DGKB: variants seen among roughly 807,000 people sequenced by gnomAD.
DGKB encodes diacylglycerol kinase beta.
DGKB carries 67 observed loss-of-function variants against 114.3 expected under a neutral mutation model. The observed-to-expected ratio is 0.59, with a 90% CI of 0.48 to 0.72. The LOEUF (loss-of-function observed/expected upper bound fraction) is 0.72, where lower values mean the gene tolerates loss of function less well. DGKB is among the 30% of genes least tolerant of loss of function. The pLI is 0.00. For missense variants in DGKB, 907 were observed against 975.2 expected (o/e 0.93, Z 0.93); for synonymous variants, 398 against 323.1 (o/e 1.23, Z -2.49).
chr7:14,435,025 C>A (rs987306665), intron 21 of DGKB, among the ~76,000 whole-genome samples: 1 of 152,098 alleles, frequency 6.6e-6, no homozygotes, highest in Non-Finnish European at 1.5e-5. Context: ...TATTTCCCAT[C>A]ACATTGAGAA....
chr7:14,872,186 C>A (rs184367259), intron 1 of DGKB, among the ~76,000 whole-genome samples: 1 of 152,090 alleles, frequency 6.6e-6, no homozygotes, highest in South Asian at 2.1e-4. Flanking sequence ...TTTCTCATTG[C>A]GTAAATATGC....
intron 23 of DGKB, among the ~76,000 whole-genome samples, chr7:14,264,058 C>G (rs1797155559): frequency 6.6e-6 from 1 of 152,054 alleles, no homozygotes; most frequent in South Asian, 2.1e-4. Context: ...TGAAATGTAT[C>G]CAGGACTTCC....
rs183374950 is a variant in DGKB at position 14,380,272 on chromosome 7, A to G, written c.1836-34881T>C. Among the ~76,000 whole-genome samples, 239 of 151,840 alleles carry G rather than the reference A, an allele frequency of 1.6e-3. 3 individuals are homozygous for G. The highest frequency in any genetic ancestry group is 6.8e-3 in the Middle Eastern group (2 of 292). ...TAAATAATAAAAATAAAAATAAACA[A>G]TGGCAGCATGTTTTTAATTATGCCT... On this transcript the variant is annotated intron_variant, in intron 21 of 25. Transcript: ENST00000402815.
At chr7:14,941,428 T>G (rs1785565586) in intron 1 of DGKB, among the ~76,000 whole-genome samples, 1 of 152,082 alleles carries the variant, frequency 6.6e-6, no homozygotes, top group Admixed American at 6.6e-5. Flanking sequence ...GAAGATATGT[T>G]TTTCAAATAT....
chr7:14,213,392 G>A (rs1368276807), intron 23 of DGKB, among the ~76,000 whole-genome samples: 1 of 152,070 alleles, frequency 6.6e-6, no homozygotes. Flanking sequence ...ACATTCCCAA[G>A]TGGTACTGGG....
chr7:14,288,697 T>A (rs549763903), intron 23 of DGKB, among the ~76,000 whole-genome samples: 39 of 152,298 alleles, frequency 2.6e-4, no homozygotes, highest in East Asian at 1.5e-3. Flanking sequence ...AGTCAGCCTT[T>A]GATTGTTAGT....
chr7:14,671,222 C>T (rs1045268949), intron 13 of DGKB, among the ~76,000 whole-genome samples: 9 of 151,934 alleles, frequency 5.9e-5, no homozygotes, highest in African/African-American at 2.2e-4. Context: ...ATGGGCATGT[C>T]GACATTGTGA....
intron 23 of DGKB, among the ~76,000 whole-genome samples, chr7:14,185,889 A>C (rs1039643675): frequency 6.6e-6 from 1 of 152,210 alleles, no homozygotes; most frequent in African/African-American, 2.4e-5. Flanking sequence ...AAGGACTTAA[A>C]CCTAAGACCT....
At chr7:14,245,601 A>G (rs138449901) in intron 23 of DGKB, among the ~76,000 whole-genome samples, 1 of 152,238 alleles carries the variant, frequency 6.6e-6, no homozygotes, top group Admixed American at 6.5e-5. Context: ...CAAGTTTACC[A>G]AGAAAAATTA....
chr7:14,350,025 C>G (rs773229532), intron 21 of DGKB, among the ~76,000 whole-genome samples: 47 of 152,074 alleles, frequency 3.1e-4, no homozygotes, highest in Non-Finnish European at 6.2e-4. Context: ...TTTGAATTAA[C>G]GTAGTAAACC....
intron 20 of DGKB, 87 bp from the exon 21 acceptor site, chr7:14,478,312 T>C: frequency 2.5e-6 from 2 of 813,616 alleles, no homozygotes; most frequent in Non-Finnish European, 3.6e-6. Flanking sequence ...AAAATAACAT[T>C]TCAAAATGAA....
intron 23 of DGKB, among the ~76,000 whole-genome samples, chr7:14,270,489 C>A (rs935234342): frequency 5.3e-5 from 8 of 152,084 alleles, no homozygotes; most frequent in African/African-American, 1.4e-4. Flanking sequence ...GACAGGGGCA[C>A]GGGGTTTACA....
intron 22 of DGKB, among the ~76,000 whole-genome samples, chr7:14,344,169 C>T (rs1291346040): frequency 2.0e-5 from 3 of 150,996 alleles, no homozygotes; most frequent in African/African-American, 4.9e-5. Flanking sequence ...AGAAAGTCCA[C>T]GTTGAACCCA....
intron 21 of DGKB, among the ~76,000 whole-genome samples, chr7:14,409,736 A>G (rs76621151): frequency 2.8e-4 from 3 of 10,778 alleles, no homozygotes; most frequent in South Asian, 2.5e-3. Context: ...AAAAAAAAAA[A>G]AAAAAGTTGA....
chr7:14,664,253 A>G (rs1275982383), intron 13 of DGKB, among the ~76,000 whole-genome samples: 1 of 151,902 alleles, frequency 6.6e-6, no homozygotes, highest in Non-Finnish European at 1.5e-5. Flanking sequence ...AATCACATCA[A>G]ATCCTAATGT....
At chr7:14,425,139 CTTT>C (rs1314004251) in intron 21 of DGKB, among the ~76,000 whole-genome samples, 1 of 151,788 alleles carries the variant, frequency 6.6e-6, no homozygotes, top group South Asian at 2.1e-4. Context: ...TTTTTTTCTT[CTTT>C]TATTTGCTAA....
chr7:14,679,014 G>C (rs1384965098), intron 12 of DGKB, among the ~76,000 whole-genome samples: 2 of 151,916 alleles, frequency 1.3e-5, no homozygotes, highest in East Asian at 1.9e-4. Flanking sequence ...AACAGTCTTT[G>C]GGAATAAAAA....
At chr7:14,783,519 T>C (rs145636634) in intron 2 of DGKB, among the ~76,000 whole-genome samples, 1 of 152,356 alleles carries the variant, frequency 6.6e-6, no homozygotes, top group Non-Finnish European at 1.5e-5. Context: ...CATTTCATCC[T>C]GCTTTCGCTG....
rs141886211 is a variant in DGKB at position 14,494,303 on chromosome 7, T to C, written c.1771-16078A>G. Among the ~76,000 whole-genome samples the C allele has an allele frequency of 1.0e-3, 158 of 152,122 alleles. 1 individual carries two copies. Among genetic ancestry groups the C allele is most frequent in the Middle Eastern group, 3.4e-3 (1 of 294 alleles). On this transcript the variant is annotated intron_variant, in intron 20 of 25. Coordinates refer to ENST00000402815, the MANE Select transcript of DGKB (RefSeq NM_001350709.2). ...TCTAGCATTTTATCTTTTATATTCA[T>C]ATAGTATTTTAATTTTAGAATTTTA...
Sources: allele counts gnomAD v4.1 joint callset (sites outside exome capture counted in the v4.1 genomes callset), GRCh38; gene constraint gnomAD v4.1.1; transcripts MANE v1.5; gene names NCBI Gene and HGNC (gene_info 2026-07-23, HGNC 2026-07-21).